SULF2: variants seen among roughly 807,000 people sequenced by gnomAD.
SULF2 encodes the protein extracellular sulfatase Sulf-2.
Under a neutral mutation model 107.7 loss-of-function variants are expected in SULF2, and 52 were observed. The observed-to-expected ratio is 0.48, with a 90% CI of 0.39 to 0.61. The LOEUF (loss-of-function observed/expected upper bound fraction) is 0.61. SULF2 is among the 20% of genes least tolerant of loss of function. The pLI, the probability that SULF2 is intolerant of heterozygous loss-of-function variation, is 0.00. For synonymous variants in SULF2, 460 were observed against 464.3 expected, an observed-to-expected ratio of 0.99 and a Z score of 0.12; for missense variants, 993 against 1,177.3, an observed-to-expected ratio of 0.84 and a Z score of 2.29.
intron 1 of SULF2, among the ~76,000 whole-genome samples, chr20:47,764,684 G>T (rs79647652): frequency 0.014 from 2,107 of 152,292 alleles, 42 homozygotes; most frequent in African/African-American, 0.047. Context: ...GGATGCTGGT[G>T]ACAATGGGGT....
At chr20:47,755,011 T>G (rs2090247817) in intron 2 of SULF2, among the ~76,000 whole-genome samples, 1 of 93,776 alleles carries the variant, frequency 1.1e-5, no homozygotes, top group Non-Finnish European at 2.3e-5. Flanking sequence ...TTTTTACATT[T>G]TTTGTTAAGA....
intron 4 of SULF2, among the ~76,000 whole-genome samples, chr20:47,693,127 T>C (rs1212541344): frequency 6.6e-6 from 1 of 152,238 alleles, no homozygotes; most frequent in Non-Finnish European, 1.5e-5. Context: ...CAGAATTTAT[T>C]ACATAAAAAT....
intron 5 of SULF2, 98 bp from the exon 6 acceptor site, chr20:47,684,679 T>G: frequency 7.7e-7 from 1 of 1,303,514 alleles, no homozygotes; most frequent in South Asian, 1.4e-5. Context: ...CACCCTGTGC[T>G]GTGTCTGCAG....
At chr20:47,684,286 C>A (rs746558051) in intron 6 of SULF2, 145 bp downstream of exon 6, 533 of 833,294 alleles carry the variant, frequency 6.4e-4, no homozygotes, top group Non-Finnish European at 8.8e-4. Flanking sequence ...CCAAGCTGTT[C>A]CCCAGGTCTA....
At chr20:47,745,383 A>G (rs74177375) in intron 2 of SULF2, among the ~76,000 whole-genome samples, 520 of 6,424 alleles carry the variant, frequency 0.081, 9 homozygotes, top group African/African-American at 0.18. Context: ...GTTTTGAGGG[A>G]AAAAAAAAAA....
chr20:47,664,263 T>C (rs374438413), intron 14 of SULF2, 74 bp from the exon 15 acceptor site: 45 of 1,451,934 alleles, frequency 3.1e-5, no homozygotes, highest in African/African-American at 2.7e-4. Flanking sequence ...AAGCTGTGAT[T>C]TCTGGGACTC....
chr20:47,739,156 G>C (rs2089817686), intron 2 of SULF2, among the ~76,000 whole-genome samples: 1 of 152,198 alleles, frequency 6.6e-6, no homozygotes, highest in African/African-American at 2.4e-5. Context: ...CTCCAGAACT[G>C]TTGAGAGAGT....
At chr20:47,662,006 G>A in intron 17 of SULF2, 110 bp from the exon 18 acceptor site, 1 of 1,202,276 alleles carries the variant, frequency 8.3e-7, no homozygotes, top group Non-Finnish European at 1.1e-6. Context: ...GAAGGTGCTA[G>A]GGGCTGGTGA....
chr20:47,736,936 A>G lies in SULF2; in HGVS notation c.182T>C (p.Met61Thr). The part of the protein sequence containing the change: ...TDDQDVELGS[M>T]QVMNKTRRIM... ...GCGCCGGGTCTTGTTCATCACCTGCATGGAACCTGCAAGTCAAGGGTGGAA... is the reference window on the plus strand; with the variant it reads ...GCGCCGGGTCTTGTTCATCACCTGCGTGGAACCTGCAAGTCAAGGGTGGAA... Residue 61 changes from methionine to threonine, a missense_variant, in exon 3 of 21, where the codon ATG (methionine) becomes ACG (threonine). By Grantham distance (81) the Met-to-Thr change is moderately conservative. Transcript: ENST00000688720. The G allele has an allele frequency of 6.2e-7, 1 of 1,614,192 alleles. No individual in the cohort carries two copies. The highest frequency in any genetic ancestry group is 8.5e-7 in the Non-Finnish European group (1 of 1,180,016).
chr20:47,663,361 C>A (rs1476108176), intron 16 of SULF2, 92 bp downstream of exon 16: 4 of 1,580,852 alleles, frequency 2.5e-6, no homozygotes, highest in Non-Finnish European at 3.4e-6. Flanking sequence ...TGTTGGGGAC[C>A]CCCTTTCTGA....
At chr20:47,676,432 G>C (rs577433970) in intron 10 of SULF2, 62 bp downstream of exon 10, 88 of 1,564,624 alleles carry the variant, frequency 5.6e-5, no homozygotes, top group South Asian at 7.0e-5. Context: ...TCAGAGCCTC[G>C]CAGGTCAGGG....
At chr20:47,739,530 A>G (rs1407247153) in intron 2 of SULF2, among the ~76,000 whole-genome samples, 1 of 152,098 alleles carries the variant, frequency 6.6e-6, no homozygotes, top group East Asian at 1.9e-4. Flanking sequence ...CCTTCAAGTT[A>G]TTGATCAGAC....
At chr20:47,727,863 GC>G (rs1180778455) in intron 3 of SULF2, among the ~76,000 whole-genome samples, 2 of 152,242 alleles carry the variant, frequency 1.3e-5, no homozygotes, top group Non-Finnish European at 1.5e-5. Flanking sequence ...CAAAACAAGT[GC>G]TTCACTTATT....
At chr20:47,682,304 C>T (rs942860135) in intron 7 of SULF2, among the ~76,000 whole-genome samples, 1 of 152,328 alleles carries the variant, frequency 6.6e-6, no homozygotes, top group South Asian at 2.1e-4. Context: ...CACATCTGGG[C>T]ATGAGCAGAA....
chr20:47,747,012 TATATATACAC>T (rs1568895735), intron 2 of SULF2, among the ~76,000 whole-genome samples: 1 of 100,638 alleles, frequency 9.9e-6, no homozygotes, highest in Non-Finnish European at 2.3e-5. Flanking sequence ...TATATATATA[TATATATACAC>T]ACACACACAC....
At chr20:47,720,963 T>C (rs6012254) in intron 3 of SULF2, among the ~76,000 whole-genome samples, 2,010 of 152,298 alleles carry the variant, frequency 0.013, 50 homozygotes, top group African/African-American at 0.045. Flanking sequence ...GCCACAGGAC[T>C]GAAGTCTTTG....
At chr20:47,740,612 CT>C (rs1002711330) in intron 2 of SULF2, among the ~76,000 whole-genome samples, 5 of 151,800 alleles carry the variant, frequency 3.3e-5, no homozygotes, top group Non-Finnish European at 7.4e-5. Context: ...GTAACCTTAG[CT>C]TTTCCTTTAG....
Position 47,659,393 on chromosome 20 carries a change from A to T in SULF2, c.2582+6T>A. ...TTTCTATTTGTAAGCTGGTTCCTCA[A>T]CTCACAGTGATTTGGAAGAAGGTCT... On this transcript the variant is annotated splice_donor_region_variant and intron_variant, in intron 20 of 20. Coordinates refer to ENST00000688720, the MANE Select transcript of SULF2 (RefSeq NM_001387048.1). The T allele has an allele frequency of 6.2e-7, 1 of 1,613,880 alleles. No individual in the cohort carries two copies. Among genetic ancestry groups the T allele is most frequent in the Non-Finnish European group, 8.5e-7 (1 of 1,179,782 alleles).
At chr20:47,705,022 A>G (rs1313877468) in intron 3 of SULF2, among the ~76,000 whole-genome samples, 1 of 152,190 alleles carries the variant, frequency 6.6e-6, no homozygotes, top group Admixed American at 6.5e-5. Flanking sequence ...GACCTGGCAG[A>G]TGGCTGACAC....
Sources: gnomAD v4.1 joint callset for allele counts (sites outside exome capture counted in the v4.1 genomes callset) on GRCh38, gnomAD v4.1.1 for gene constraint, MANE v1.5 for transcripts, NCBI Gene and HGNC (gene_info 2026-07-23, HGNC 2026-07-21) for gene names.